Variants in FMN2 observed in about 807,000 individuals in gnomAD.
FMN2 encodes the protein formin-2.
FMN2 carries 51 observed loss-of-function variants against 142.3 expected under a neutral mutation model. That is an observed-to-expected ratio of 0.36 (90% CI 0.29 to 0.45). The LOEUF (loss-of-function observed/expected upper bound fraction) is 0.45, where lower values mean the gene tolerates loss of function less well. FMN2 is among the 20% of genes least tolerant of loss of function. The probability of loss-of-function intolerance (pLI) is 1.00; values close to 1 mark genes in which losing one functional copy is unlikely to be tolerated. For missense variants in FMN2, 1,936 were observed against 2,122.8 expected, an observed-to-expected ratio of 0.91 and a Z score of 1.73; for synonymous variants, 882 against 869.8, an observed-to-expected ratio of 1.01 and a Z score of -0.25.
intron 14 of FMN2, among the ~76,000 whole-genome samples, chr1:240,383,887 AAT>A (rs1214605635): frequency 2.7e-5 from 4 of 150,186 alleles, no homozygotes. Flanking sequence ...AAAGAAAAAA[AAT>A]ATATATATAT....
intron 16 of FMN2, among the ~76,000 whole-genome samples, chr1:240,463,176 A>G (rs780276740): frequency 1.3e-5 from 2 of 150,696 alleles, no homozygotes; most frequent in African/African-American, 2.4e-5. Flanking sequence ...TAGATTTCAC[A>G]CATGGAGGCC....
In FMN2 at chr1:240,392,517, T is replaced by C. The variant is rs1298917573; in HGVS notation, c.4865T>C (p.Ile1622Thr). ...TATTTTCTTGCACTTTCAGCCAAAA[T>C]TGACCAAGAGGCAGAGGAAAATTCA... ...NMEQFIIQAK[I>T]DQEAEENSLT... The change falls in exon 15 of 18, where the codon ATT becomes ACT. Residue 1622 changes from isoleucine (I) to threonine (T), a missense_variant. Physicochemically the swap from Ile to Thr is moderately conservative, Grantham distance 89. Transcript: ENST00000319653. 6.2e-7 allele frequency: 1 copy of C among 1,610,166 alleles called. No homozygotes were observed. The highest frequency in any genetic ancestry group is 8.5e-7 in the Non-Finnish European group (1 of 1,178,192).
chr1:240,333,969 T>G (rs2103018760), intron 12 of FMN2, 23 bp downstream of exon 12: 1 of 1,594,028 alleles, frequency 6.3e-7, no homozygotes, highest in Middle Eastern at 1.7e-4. Flanking sequence ...TTACATATAG[T>G]CATATTCCAT....
chr1:240,243,482 A>AT (rs1667980851), intron 6 of FMN2, among the ~76,000 whole-genome samples: 2 of 152,120 alleles, frequency 1.3e-5, no homozygotes, highest in Non-Finnish European at 2.9e-5. Context: ...TTAGATGTTT[A>AT]TTTCTTATCG....
At position 240,093,393 on chromosome 1, in the gene FMN2, G is replaced by T. The variant is rs150033699; in HGVS notation, c.1284G>T (p.Ser428=). The change falls in exon 1 of 18, where the codon TCG becomes TCT. Residue 428 remains serine, a synonymous_variant. Transcript: ENST00000319653. The stretch of plus-strand genomic sequence containing the variant: ...AGACCACCACCCGGCAGCTCAGCTC[G>T]CCCAATCACTCCCCGTCTCAGTCCC... ...YIKTTTRQLS[S]PNHSPSQSPN... is the part of the protein sequence containing the mutation. The T allele has an allele frequency of 4.3e-6, 7 of 1,613,080 alleles. No homozygotes were observed. In the African/African-American group the frequency reaches 8.0e-5, roughly 18 times the overall value.
chr1:240,246,453 T>A (rs1668087312), intron 6 of FMN2, among the ~76,000 whole-genome samples: 1 of 152,122 alleles, frequency 6.6e-6, no homozygotes, highest in Non-Finnish European at 1.5e-5. Flanking sequence ...TCCACTGCAG[T>A]CTTTGGAATT....
In FMN2 at chr1:240,430,129, G is replaced by A. The variant is rs180863366; in HGVS notation, c.4911-7932G>A. On this transcript the variant is annotated intron_variant, in intron 15 of 17. Transcript: ENST00000319653. The stretch of plus-strand genomic sequence containing the variant: ...TCTGGATCTCCTGACCTCATGATCC[G>A]CCCGCCTCGGCCTCCCAAAGTGCTG... Among the ~76,000 whole-genome samples, 117 of 151,992 alleles carry A rather than the reference G, an allele frequency of 7.7e-4. No homozygotes were observed. The East Asian group carries it at 0.015, about 19-fold the overall frequency.
intron 16 of FMN2, among the ~76,000 whole-genome samples, chr1:240,449,270 C>A (rs561585964): frequency 6.6e-6 from 1 of 152,144 alleles, no homozygotes; most frequent in Non-Finnish European, 1.5e-5. Flanking sequence ...AATCCTTATG[C>A]CCCCTGGTAC....
rs151192645 is a variant in FMN2, at chr1:240,426,444, G to A, written c.4911-11617G>A. 5.1e-3 allele frequency among the ~76,000 whole-genome samples: 780 copies of A among 152,224 alleles called. 7 individuals carry two copies. The highest frequency in any genetic ancestry group is 0.018 in the African/African-American group (735 of 41,530). ...TCTAGAATGCCATTTTAAAAGATGTGTATAGCTATTACTTTGTGGTACCAA... is the reference window on the plus strand; with the variant it reads ...TCTAGAATGCCATTTTAAAAGATGTATATAGCTATTACTTTGTGGTACCAA... On this transcript the variant is annotated intron_variant, in intron 15 of 17. Transcript: ENST00000319653.
At chr1:240,196,580 C>T (rs1217894) in intron 4 of FMN2, among the ~76,000 whole-genome samples, 9 of 152,178 alleles carry the variant, frequency 5.9e-5, no homozygotes, top group African/African-American at 1.7e-4. Flanking sequence ...GGCATGATCT[C>T]GGCTCACTGC....
At chr1:240,144,870 C>A in intron 2 of FMN2, 4 of 1,430,034 alleles carry the variant, frequency 2.8e-6, no homozygotes, top group Non-Finnish European at 3.9e-6. Flanking sequence ...TCCTGCCACT[C>A]CTTAGCCACT....
rs149330162 is a variant in FMN2, at chr1:240,181,388, T to C, written c.1930+3320T>C. 8.5e-5 allele frequency among the ~76,000 whole-genome samples: 13 copies of C among 152,372 alleles called. No homozygotes were observed. The East Asian group carries it at 2.3e-3, about 27-fold the overall frequency. On this transcript the variant is annotated intron_variant, in intron 3 of 17. Transcript: ENST00000319653. ...GGTACTCTGTCTTCTGCCTTTTTCA[T>C]GTATCTCACTTTAACTGCATAGGGA...
At position 240,472,386 on chromosome 1, in the gene FMN2, A is replaced by G; in HGVS notation, c.5075A>G (p.Glu1692Gly). ...CTCCCCATCAGAGTAAAAGAAGCCG[A>G]AGAGGTGTGTAGACAGAAGAAAGGA... ...LLLQERVKEAEEVCRQKKGKS... is the reference protein window; with the variant it reads ...LLLQERVKEAGEVCRQKKGKS... The change falls in exon 17 of 18, where the codon GAA (glutamate) becomes GGA (glycine). Residue 1692 changes from glutamate to glycine, a missense_variant. Glu to Gly is a moderately conservative substitution (Grantham distance 98, BLOSUM62 -2). Around this residue, in one of 8 missense-constraint regions of FMN2, gnomAD observed 322 missense variants for 401.6 expected, o/e 0.80. Transcript: ENST00000319653. 6.2e-7 allele frequency: 1 copy of G among 1,612,228 alleles called. No individual in the cohort carries two copies. The highest frequency in any genetic ancestry group is 8.5e-7 in the Non-Finnish European group (1 of 1,179,372).
chr1:240,404,025 T>C (rs1674072914), intron 15 of FMN2, among the ~76,000 whole-genome samples: 1 of 152,202 alleles, frequency 6.6e-6, no homozygotes, highest in African/African-American at 2.4e-5. Context: ...AAGTGGTATT[T>C]TAGCAAAGCC....
intron 7 of FMN2, among the ~76,000 whole-genome samples, chr1:240,276,128 T>C (rs567748323): frequency 1.1e-4 from 17 of 152,260 alleles, no homozygotes; most frequent in African/African-American, 4.1e-4. Context: ...ATCCCTATCA[T>C]TTCTGCAAGG....
intron 2 of FMN2, among the ~76,000 whole-genome samples, chr1:240,158,067 T>C (rs1348769779): frequency 6.6e-6 from 1 of 151,710 alleles, no homozygotes; most frequent in African/African-American, 2.4e-5. Flanking sequence ...GGATTTAAAA[T>C]TAATTTTTTA....
chr1:240,253,363 A>G (rs969331359), intron 6 of FMN2, among the ~76,000 whole-genome samples: 1 of 152,142 alleles, frequency 6.6e-6, no homozygotes, highest in Non-Finnish European at 1.5e-5. Context: ...TCTTCTGCTT[A>G]ATCTAGTTTA....
At chr1:240,353,885 T>A (rs1400105695) in intron 13 of FMN2, among the ~76,000 whole-genome samples, 1 of 152,024 alleles carries the variant, frequency 6.6e-6, no homozygotes, top group African/African-American at 2.4e-5. Flanking sequence ...TGGCAGGGAA[T>A]GGAGAAAAGC....
chr1:240,410,673 T>A (rs1164381279), intron 15 of FMN2, among the ~76,000 whole-genome samples: 1 of 152,238 alleles, frequency 6.6e-6, no homozygotes, highest in African/African-American at 2.4e-5. Context: ...CACAGAATAT[T>A]AACATTTGTT....
Sources: allele counts gnomAD v4.1 joint callset (sites outside exome capture counted in the v4.1 genomes callset), GRCh38; gene constraint gnomAD v4.1.1; regional missense constraint gnomAD v4.1.1; transcripts MANE v1.5; gene names NCBI Gene and HGNC (gene_info 2026-07-23, HGNC 2026-07-21).